Variants in BLNK observed in about 807,000 individuals in gnomAD.
BLNK encodes B cell linker.
In BLNK, 29 loss-of-function variants were observed where a neutral mutation model predicts 73.5. The observed-to-expected ratio is 0.39, with a 90% CI of 0.29 to 0.54. BLNK has a LOEUF of 0.54. Among genes scored for constraint, BLNK ranks in the 20% least tolerant of loss-of-function variants. The probability of loss-of-function intolerance (pLI) is 0.61; values close to 1 mark genes in which losing one functional copy is unlikely to be tolerated. For synonymous variants in BLNK, 176 were observed against 200.8 expected, an observed-to-expected ratio of 0.88 and a Z score of 1.04; for missense variants, 460 against 562.8, an observed-to-expected ratio of 0.82 and a Z score of 1.85.
intron 15 of BLNK, among the ~76,000 whole-genome samples, chr10:96,199,747 C>T (rs2083578732): frequency 6.6e-6 from 1 of 152,126 alleles, no homozygotes; most frequent in South Asian, 2.1e-4. Context: ...TGGCCGGGCG[C>T]GGTGGCTCAC....
At chr10:96,204,151 G>A (rs1348347761) in intron 12 of BLNK, 63 bp from the exon 13 acceptor site, 2 of 1,541,200 alleles carry the variant, frequency 1.3e-6, no homozygotes, top group Middle Eastern at 1.7e-4. Context: ...TTGACTTTTT[G>A]TTTACACTGA....
At chr10:96,232,842 T>A (rs1842557383) in intron 3 of BLNK, among the ~76,000 whole-genome samples, 2 of 147,798 alleles carry the variant, frequency 1.4e-5, no homozygotes. Flanking sequence ...TGAGACAGAG[T>A]CTCACTGTGT....
chr10:96,197,913 C>CAAA lies in BLNK; in HGVS notation c.1096-853_1096-851dup, dbSNP rs587730449. Reference sequence around the variant, plus strand: ...CCTGGGTGACAGAGCGAGACAACATCAAAAAAAAAAAGAAAGAAAAAGAAA... The same window carrying CAAA: ...CCTGGGTGACAGAGCGAGACAACATCAAAAAAAAAAAAAAGAAAGAAAAAGAAA... On this transcript the variant is annotated intron_variant, in intron 15 of 16. Coordinates refer to ENST00000224337, the MANE Select transcript of BLNK (RefSeq NM_013314.4). Among the ~76,000 whole-genome samples, 708 of 128,320 alleles carry CAAA rather than the reference C, an allele frequency of 5.5e-3. 8 individuals are homozygous for CAAA. The highest frequency in any genetic ancestry group is 0.016 in the Middle Eastern group (4 of 258). The allele number at this position is 128,320 out of a possible 152,430, so 84.2% of individuals were successfully genotyped here.
At chr10:96,222,320 A>G (rs1363053706) in intron 6 of BLNK, among the ~76,000 whole-genome samples, 1 of 152,192 alleles carries the variant, frequency 6.6e-6, no homozygotes, top group South Asian at 2.1e-4. Context: ...AGGCGGAATG[A>G]AGGTCATTTC....
At chr10:96,249,576 A>T (rs10786273) in intron 1 of BLNK, among the ~76,000 whole-genome samples, 119,854 of 152,198 alleles carry the variant, frequency 0.79, 49,404 homozygotes, top group Non-Finnish European at 0.92. Flanking sequence ...CAAACGTAAA[A>T]TGGGAACTTA....
rs1186951496 is a variant in BLNK at position 96,203,967 on chromosome 10, G to A, written c.934+90C>T. The A allele has an allele frequency of 2.7e-5, 29 of 1,067,194 alleles. 1 individual carries two copies. The highest frequency in any genetic ancestry group is 1.4e-4 in the Admixed American group (8 of 55,634). The allele number at this position is 1,067,194 out of a possible 1,614,324, so 66.1% of individuals were successfully genotyped here. A position where few individuals can be genotyped will look rare whatever the true frequency, so the allele number is the denominator to read the frequency against. On this transcript the variant is annotated intron_variant, in intron 13 of 16. Transcript: ENST00000224337. ...ATGCCAGGATAACGCAGCTGGAAGC[G>A]ACAGTGCTGTGTTAGAACCCAGGCC...
chr10:96,270,108 T>C (rs1003688152), intron 1 of BLNK, among the ~76,000 whole-genome samples: 1 of 152,216 alleles, frequency 6.6e-6, no homozygotes, highest in Admixed American at 6.5e-5. Context: ...AGGTGCCTTC[T>C]TGTCCCGTCA....
intron 8 of BLNK, among the ~76,000 whole-genome samples, chr10:96,212,642 G>C (rs1223750882): frequency 6.6e-6 from 1 of 152,144 alleles, no homozygotes; most frequent in Non-Finnish European, 1.5e-5. Context: ...CCCTCGGCAG[G>C]CACCTTATTG....
At chr10:96,228,382 G>T (rs3827858) in intron 4 of BLNK, among the ~76,000 whole-genome samples, 1 of 152,006 alleles carries the variant, frequency 6.6e-6, no homozygotes, top group Non-Finnish European at 1.5e-5. Context: ...CTCAGTCTCT[G>T]GAGTAGCTGG....
chr10:96,227,387 C>T (rs782111700), intron 5 of BLNK, 23 bp downstream of exon 5: 45 of 1,611,206 alleles, frequency 2.8e-5, no homozygotes, highest in Non-Finnish European at 3.7e-5. Flanking sequence ...AGGCCGAGTG[C>T]CCAGGTCTGC....
chr10:96,231,386 A>T (rs1438087842), intron 3 of BLNK, among the ~76,000 whole-genome samples: 1 of 152,208 alleles, frequency 6.6e-6, no homozygotes, highest in Non-Finnish European at 1.5e-5. Flanking sequence ...AGGCAATATT[A>T]TCAGAGCTTT....
chr10:96,226,196 AC>A (rs1202574839), intron 5 of BLNK, among the ~76,000 whole-genome samples: 1 of 152,076 alleles, frequency 6.6e-6, no homozygotes, highest in African/African-American at 2.4e-5. Flanking sequence ...GGTTAAGTAG[AC>A]CCCCAGGGGA....
At chr10:96,194,600 A>T (rs1477523521) in intron 16 of BLNK, among the ~76,000 whole-genome samples, 1 of 152,178 alleles carries the variant, frequency 6.6e-6, no homozygotes, top group Non-Finnish European at 1.5e-5. Flanking sequence ...CATTTATCTG[A>T]TAAGGGGTTA....
chr10:96,220,961 T>C (rs1554901026), intron 6 of BLNK, among the ~76,000 whole-genome samples: 1 of 152,252 alleles, frequency 6.6e-6, no homozygotes, highest in Non-Finnish European at 1.5e-5. Context: ...CCCTATTACT[T>C]AGCCGGAGTC....
At chr10:96,255,174 G>A (rs1843457748) in intron 1 of BLNK, among the ~76,000 whole-genome samples, 1 of 152,160 alleles carries the variant, frequency 6.6e-6, no homozygotes, top group African/African-American at 2.4e-5. Flanking sequence ...ACAGCCCCAG[G>A]CACATAGAAG....
chr10:96,254,510 G>GT (rs35081486), intron 1 of BLNK, among the ~76,000 whole-genome samples: 29 of 139,004 alleles, frequency 2.1e-4, no homozygotes, highest in Admixed American at 1.8e-3. Context: ...TTTTTTTTTT[G>GT]TTTTGTTTTG....
chr10:96,232,243 C>A (rs182089714), intron 3 of BLNK, among the ~76,000 whole-genome samples: 2 of 152,262 alleles, frequency 1.3e-5, no homozygotes, highest in South Asian at 2.1e-4. Flanking sequence ...ACAGAGGATC[C>A]AGTGGATGTT....
Position 96,215,407 on chromosome 10 carries a change from G to T in BLNK, c.608-18C>A. ...CATGGGAGCTTAAACACAGAAATGT[G>T]TGTGTATATATATATATATATATAC... On this transcript the variant is annotated intron_variant, in intron 7 of 16. Transcript: ENST00000224337. 1 of 1,562,812 alleles carries T rather than the reference G, an allele frequency of 6.4e-7. No homozygotes were observed. Among genetic ancestry groups the T allele is most frequent in the Non-Finnish European group, 8.7e-7 (1 of 1,150,300 alleles).
At chr10:96,235,565 G>GA (rs34391507) in intron 3 of BLNK, among the ~76,000 whole-genome samples, 107,424 of 151,794 alleles carry the variant, frequency 0.71, 40,739 homozygotes, top group Non-Finnish European at 0.84. Context: ...ACATGAGACT[G>GA]GGAAAACTCA....
Sources: gnomAD v4.1 joint callset for allele counts (sites outside exome capture counted in the v4.1 genomes callset) on GRCh38, gnomAD v4.1.1 for gene constraint, MANE v1.5 for transcripts, NCBI Gene and HGNC (gene_info 2026-07-23, HGNC 2026-07-21) for gene names.